Variants in FLT4 observed in about 807,000 individuals in gnomAD.
The protein encoded by FLT4 is fms related receptor tyrosine kinase 4, also known as vascular endothelial growth factor receptor 3.
Under a neutral mutation model 163.2 loss-of-function variants are expected in FLT4, and 30 were observed. The ratio of observed to expected loss-of-function variants is 0.18; its 90% CI spans 0.14 to 0.25. The LOEUF (loss-of-function observed/expected upper bound fraction) is 0.25, where lower values mean the gene tolerates loss of function less well. Ranked by LOEUF, FLT4 falls within the 10% of genes least tolerant of loss-of-function variation. The pLI is 1.00. For synonymous variants in FLT4, 884 were observed against 789.5 expected, an observed-to-expected ratio of 1.12 and a Z score of -2.01; for missense variants, 1,510 against 1,863.8, an observed-to-expected ratio of 0.81 and a Z score of 3.50.
chr5:180,625,702 G>A (rs902927039), intron 10 of FLT4, among the ~76,000 whole-genome samples, 167 bp downstream of exon 10: 3 of 152,226 alleles, frequency 2.0e-5, no homozygotes, highest in African/African-American at 4.8e-5. Flanking sequence ...GGCGAGGTGA[G>A]GCCAGGGATT....
chr5:180,603,413 G>A (rs755987746), intron 29 of FLT4, 23 bp from the exon 30 acceptor site: 27 of 1,610,280 alleles, frequency 1.7e-5, no homozygotes, highest in Non-Finnish European at 2.0e-5. Context: ...GGAAGGTGGT[G>A]TTAGTAAGAG....
At chr5:180,634,244 C>A (rs1764386349) in intron 1 of FLT4, among the ~76,000 whole-genome samples, 1 of 152,214 alleles carries the variant, frequency 6.6e-6, no homozygotes, top group African/African-American at 2.4e-5. Flanking sequence ...TTCAGACGCC[C>A]TCATCACTCA....
intron 26 of FLT4, among the ~76,000 whole-genome samples, chr5:180,612,028 C>T (rs114762416): frequency 1.7e-4 from 26 of 152,352 alleles, no homozygotes; most frequent in African/African-American, 6.3e-4. Context: ...CCACCCCCTG[C>T]TTCTTGCTCC....
Position 180,629,796 on chromosome 5 carries a change from G to A in FLT4, c.716C>T (p.Ser239Leu), listed in dbSNP as rs1763941789. 5 of 1,612,426 alleles carry A rather than the reference G, an allele frequency of 3.1e-6. No homozygotes were observed. The highest frequency in any genetic ancestry group is 1.3e-5 in the African/African-American group (1 of 74,908). Residue 239 changes from serine (S) to leucine (L), a missense_variant, in exon 6 of 30, where the codon TCG becomes TTG. Physicochemically the swap from Ser to Leu is moderately radical, Grantham distance 145. This residue lies in a region of FLT4 where 163 missense variants were observed against 281.1 expected (regional missense o/e 0.58). Transcript: ENST00000261937. Reference protein sequence around the residue: ...LYDIQLLPRKSLELLVGEKLV... With the variant: ...LYDIQLLPRKLLELLVGEKLV... ...CTTCTCCCCTACCAGCAGCTCCAGC[G>A]ACTTCCTGGGCAACAGCTGGATGTC... is the stretch of plus-strand genomic sequence containing the variant.
intron 1 of FLT4, among the ~76,000 whole-genome samples, chr5:180,635,921 A>T (rs1390554474): frequency 1.3e-5 from 1 of 74,886 alleles, no homozygotes; most frequent in Non-Finnish European, 2.6e-5. Context: ...GGGTGGGTGG[A>T]TGGATGGATG....
chr5:180,644,066 C>T (rs902162719), intron 1 of FLT4, among the ~76,000 whole-genome samples: 2 of 152,234 alleles, frequency 1.3e-5, no homozygotes, highest in African/African-American at 2.4e-5. Flanking sequence ...ATCCGCCCGC[C>T]TTGGCCTCCC....
chr5:180,619,855 T>C (rs901631249), intron 17 of FLT4, 86 bp from the exon 18 acceptor site: 19 of 997,006 alleles, frequency 1.9e-5, no homozygotes, highest in Non-Finnish European at 2.8e-5. Flanking sequence ...CGTGCAGAGG[T>C]CCAGGAGGAC....
chr5:180,621,108 G>A lies in FLT4; in HGVS notation c.2165C>T (p.Ser722Phe). 6.2e-7 allele frequency: 1 copy of A among 1,612,796 alleles called. No homozygotes were observed. The highest frequency in any genetic ancestry group is 8.5e-7 in the Non-Finnish European group (1 of 1,179,974). ...YKDERLLEEK[S>F]GVDLADSNQK... is the part of the protein sequence containing the mutation. ...TTCGCCAGGGCCACCCTCCCTACCA[G>A]ACTTTTCCTCCAGCAGCCTCTCGTC... Residue 722 changes from serine (S) to phenylalanine (F), a missense_variant and splice_region_variant, in exon 14 of 30, where the codon TCT (serine) becomes TTT (phenylalanine). Ser to Phe is a radical substitution (Grantham distance 155, BLOSUM62 -2). Transcript: ENST00000261937.
chr5:180,610,989 GGA>G (rs1453691096), intron 27 of FLT4, among the ~76,000 whole-genome samples: 3 of 152,132 alleles, frequency 2.0e-5, no homozygotes, highest in African/African-American at 7.2e-5. Context: ...CCTGGGAGGC[GGA>G]GCTTGCGGTG....
chr5:180,649,407 C>T, intron 1 of FLT4, 81 bp downstream of exon 1: 1 of 1,124,832 alleles, frequency 8.9e-7, no homozygotes, highest in Non-Finnish European at 1.2e-6. Flanking sequence ...GCGGAGCGGT[C>T]TCAGCGCCCG....
intron 13 of FLT4, 106 bp from the exon 14 acceptor site, chr5:180,621,358 G>C: frequency 6.9e-7 from 1 of 1,452,306 alleles, no homozygotes; most frequent in East Asian, 2.3e-5. Context: ...GCTGGACTTA[G>C]GGGTTGTGCG....
At chr5:180,615,740 C>A (rs1762628398) in intron 23 of FLT4, among the ~76,000 whole-genome samples, 1 of 53,610 alleles carries the variant, frequency 1.9e-5, no homozygotes, top group Non-Finnish European at 3.7e-5. Flanking sequence ...ACTGGGCCCG[C>A]CGGTCACCTC....
chr5:180,627,154 C>G, intron 8 of FLT4, among the ~76,000 whole-genome samples: 1 of 152,170 alleles, frequency 6.6e-6, no homozygotes, highest in Non-Finnish European at 1.5e-5. Flanking sequence ...TGGAGATGCT[C>G]CTCCTTTGGA....
intron 8 of FLT4, 66 bp from the exon 9 acceptor site, chr5:180,626,331 C>T (rs1763610477): frequency 5.8e-6 from 9 of 1,563,892 alleles, no homozygotes; most frequent in Non-Finnish European, 7.9e-6. Flanking sequence ...ATGCTGGCAC[C>T]CCCACCCCAA....
chr5:180,608,829 AC>A, intron 29 of FLT4, 138 bp downstream of exon 29: 1 of 763,066 alleles, frequency 1.3e-6, no homozygotes, highest in Non-Finnish European at 2.3e-6. Flanking sequence ...CAGGCAGCTC[AC>A]CTTGAACGCG....
intron 29 of FLT4, among the ~76,000 whole-genome samples, chr5:180,603,625 G>A (rs1451851374): frequency 6.6e-6 from 1 of 152,228 alleles, no homozygotes; most frequent in African/African-American, 2.4e-5. Context: ...CTTGAGGCCG[G>A]GTGCGGTGGC....
rs1429111204 is a variant in FLT4, at chr5:180,611,372, C to T, written c.3645G>A (p.Glu1215=). ...GGCGCTGCAGGCTTGGCGGGCTGTC[C>T]TCAGCGTCAGCCTGGGCGATGTGTA... The part of the protein sequence containing the change: ...MALHIAQADA[E]DSPPSLQRHS... Residue 1215 remains glutamate (E), a synonymous_variant, in exon 27 of 30, where the codon GAG becomes GAA. Coordinates refer to ENST00000261937, the MANE Select transcript of FLT4 (RefSeq NM_182925.5). The T allele has an allele frequency of 1.2e-6, 2 of 1,613,986 alleles. No individual in the cohort carries two copies. Among genetic ancestry groups the T allele is most frequent in the South Asian group, 1.1e-5 (1 of 91,080 alleles).
chr5:180,614,997 G>C (rs1762527479), intron 23 of FLT4, among the ~76,000 whole-genome samples: 1 of 152,170 alleles, frequency 6.6e-6, no homozygotes, highest in Non-Finnish European at 1.5e-5. Flanking sequence ...ACTGCACCAA[G>C]CGGGTCCATC....
At chr5:180,629,518 G>T in intron 6 of FLT4, 91 bp from the exon 7 acceptor site, 1 of 1,531,612 alleles carries the variant, frequency 6.5e-7, no homozygotes. Flanking sequence ...GCCAGCGGTG[G>T]CTCCGGAAGC....
Sources: gnomAD v4.1 joint callset for allele counts (sites outside exome capture counted in the v4.1 genomes callset) on GRCh38, gnomAD v4.1.1 for gene constraint, gnomAD v4.1.1 regional missense constraint, MANE v1.5 for transcripts, NCBI Gene and HGNC (gene_info 2026-07-23, HGNC 2026-07-21) for gene names.